CTNNA2: variants seen among roughly 807,000 people sequenced by gnomAD.
CTNNA2 encodes the protein catenin alpha-2.
CTNNA2 carries 42 observed loss-of-function variants against 101.0 expected under a neutral mutation model. The ratio of observed to expected loss-of-function variants is 0.42; its 90% CI spans 0.32 to 0.54. The LOEUF (loss-of-function observed/expected upper bound fraction) is 0.54, where lower values mean the gene tolerates loss of function less well. Among genes scored for constraint, CTNNA2 ranks in the 20% least tolerant of loss-of-function variants. CTNNA2 has a pLI of 0.14. For missense variants in CTNNA2, 871 were observed against 1,223.1 expected (o/e 0.71, Z 4.29); for synonymous variants, 450 against 456.4 (o/e 0.99, Z 0.18).
At position 80,595,362 on chromosome 2, in the gene CTNNA2, C is replaced by CT. The variant is rs374248276; in HGVS notation, c.2189+5884dup. On this transcript the variant is annotated intron_variant, in intron 15 of 18. Transcript: ENST00000402739. ...AATTCAATTATTAGTTTTACCAGGA[C>CT]TTTTTTTAAAGAATCTTAAGCATTT... 3.5e-3 allele frequency among the ~76,000 whole-genome samples: 537 copies of CT among 152,126 alleles called. 5 individuals are homozygous for CT. The highest frequency in any genetic ancestry group is 0.012 in the African/African-American group (484 of 41,500).
chr2:80,302,166 A>C lies in CTNNA2; in HGVS notation c.1057-91045A>C. 1 of 1,517,102 alleles carries C rather than the reference A, an allele frequency of 6.6e-7. No homozygotes were observed. The highest frequency in any genetic ancestry group is 8.9e-7 in the Non-Finnish European group (1 of 1,127,920). The allele number at this position is 1,517,102 out of a possible 1,614,324, so 94.0% of individuals were successfully genotyped here. A position where few individuals can be genotyped will look rare whatever the true frequency, so the allele number is the denominator to read the frequency against. On this transcript the variant is annotated intron_variant, in intron 7 of 18. Transcript: ENST00000402739. This position sits in a 1 kb window ranked among gnomAD's most constrained non-coding sequence, Gnocchi z 6.4. ...CAAGGAGCATATCAGAGCACAGACAAGGAGACCCCAGCCTGGTGCCCGCCG... is the reference window on the plus strand; with the variant it reads ...CAAGGAGCATATCAGAGCACAGACACGGAGACCCCAGCCTGGTGCCCGCCG...
chr2:80,267,972 A>G (rs1673143914), intron 7 of CTNNA2, among the ~76,000 whole-genome samples: 1 of 152,216 alleles, frequency 6.6e-6, no homozygotes, highest in African/African-American at 2.4e-5. Flanking sequence ...GTCTTAAGAA[A>G]ACTAGGTAGA....
chr2:80,273,120 G>A (rs1205233239), intron 7 of CTNNA2, among the ~76,000 whole-genome samples: 1 of 152,122 alleles, frequency 6.6e-6, no homozygotes, highest in Non-Finnish European at 1.5e-5. Context: ...AAAGCAGTAG[G>A]ATCAAAATGC....
At position 80,648,081 on chromosome 2, in the gene CTNNA2, A is replaced by T; in HGVS notation, c.*209A>T. On this transcript the variant is annotated 3_prime_UTR_variant, in exon 19 of 19. Transcript: ENST00000402739. ...AAGGAGACAGGACATTCCTGTACTA[A>T]GGTGGCACAGAGCTGTCCTTTGCAA... 2.2e-6 allele frequency: 1 copy of T among 463,614 alleles called. No homozygotes were observed. The highest frequency in any genetic ancestry group is 3.4e-5 in the East Asian group (1 of 29,262). 28.7% of individuals were successfully genotyped at this position (463,614 alleles called of 1,614,324 possible).
At chr2:80,631,182 A>G (rs1672247187) in intron 18 of CTNNA2, among the ~76,000 whole-genome samples, 1 of 152,166 alleles carries the variant, frequency 6.6e-6, no homozygotes. Flanking sequence ...TCATCTTAAT[A>G]TTAAGCATGA....
chr2:79,874,978 G>A (rs75476191), intron 6 of CTNNA2, among the ~76,000 whole-genome samples: 5,595 of 152,242 alleles, frequency 0.037, 380 homozygotes, highest in East Asian at 0.3. Context: ...TGTTGTGCCT[G>A]CGTGAAAAGC....
chr2:79,290,742 A>G (rs1030592707), intron 2 of CTNNA2, among the ~76,000 whole-genome samples: 157 of 152,246 alleles, frequency 1.0e-3, no homozygotes, highest in African/African-American at 3.6e-3. Context: ...TTCCCACTCC[A>G]TCTCCCTTCC....
chr2:80,368,867 G>GTGA (rs112571951), intron 7 of CTNNA2, among the ~76,000 whole-genome samples: 5 of 144,734 alleles, frequency 3.5e-5, no homozygotes, highest in African/African-American at 1.3e-4. Flanking sequence ...GTGTGTGTGT[G>GTGA]TATATATATA....
chr2:79,392,275 G>A (rs1336075440), intron 4 of CTNNA2, among the ~76,000 whole-genome samples: 1 of 152,118 alleles, frequency 6.6e-6, no homozygotes, highest in Non-Finnish European at 1.5e-5. Context: ...AGATATCCTA[G>A]TCCCCATACC....
At chr2:80,024,498 C>T (rs970210661) in intron 7 of CTNNA2, among the ~76,000 whole-genome samples, 8 of 152,302 alleles carry the variant, frequency 5.3e-5, no homozygotes, top group African/African-American at 1.7e-4. Context: ...GTTCCCTTGA[C>T]CCATCTGCAG....
At chr2:80,577,768 G>A (rs1196311275) in intron 13 of CTNNA2, among the ~76,000 whole-genome samples, 1 of 132,286 alleles carries the variant, frequency 7.6e-6, no homozygotes, top group Non-Finnish European at 1.6e-5. Flanking sequence ...GTGGTGTTGA[G>A]CTCTGTTGGG....
intron 8 of CTNNA2, among the ~76,000 whole-genome samples, chr2:80,413,784 G>A (rs1459969518): frequency 6.6e-6 from 1 of 152,156 alleles, no homozygotes; most frequent in Non-Finnish European, 1.5e-5. Flanking sequence ...TAATCATGTA[G>A]AGCCTGGAGC....
At chr2:79,632,668 C>T (rs1002712640) in intron 1 of CTNNA2, among the ~76,000 whole-genome samples, 2 of 152,138 alleles carry the variant, frequency 1.3e-5, no homozygotes, top group Non-Finnish European at 2.9e-5. Flanking sequence ...TGAGAATATC[C>T]GTTGTTATGT....
chr2:79,853,040 G>T (rs929118104), intron 3 of CTNNA2, among the ~76,000 whole-genome samples: 1 of 151,890 alleles, frequency 6.6e-6, no homozygotes, highest in Non-Finnish European at 1.5e-5. Flanking sequence ...CTAATTTTTT[G>T]TATTTTTAGT....
intron 7 of CTNNA2, among the ~76,000 whole-genome samples, chr2:79,932,718 C>G (rs138193650): frequency 6.6e-6 from 1 of 152,238 alleles, no homozygotes; most frequent in African/African-American, 2.4e-5. Flanking sequence ...TACATTTTAA[C>G]AAGGCCTATT....
chr2:80,086,635 G>A (rs575286101), intron 7 of CTNNA2, among the ~76,000 whole-genome samples: 8 of 152,138 alleles, frequency 5.3e-5, no homozygotes, highest in African/African-American at 1.7e-4. Flanking sequence ...TCTACTCCCT[G>A]TAACTGAAGT....
chr2:79,967,093 T>G (rs1690122196), intron 7 of CTNNA2, among the ~76,000 whole-genome samples: 1 of 141,384 alleles, frequency 7.1e-6, no homozygotes, highest in Non-Finnish European at 1.5e-5. Context: ...TGCTCAAGCC[T>G]ATGCGTGCAC....
intron 9 of CTNNA2, among the ~76,000 whole-genome samples, chr2:80,504,144 T>C (rs1346188448): frequency 6.6e-6 from 1 of 152,218 alleles, no homozygotes; most frequent in Non-Finnish European, 1.5e-5. Context: ...CCAGTTTTTA[T>C]TCCTTTGAGA....
At chr2:80,618,097 T>C (rs376903251) in intron 17 of CTNNA2, among the ~76,000 whole-genome samples, 2 of 151,878 alleles carry the variant, frequency 1.3e-5, no homozygotes, top group Admixed American at 6.6e-5. Context: ...TTTAAACTCC[T>C]AAATTTTCAT....
Sources: gnomAD v4.1 joint callset for allele counts (sites outside exome capture counted in the v4.1 genomes callset) on GRCh38, gnomAD v4.1.1 for gene constraint, Gnocchi (gnomAD v3.1) non-coding constraint, MANE v1.5 for transcripts, NCBI Gene and HGNC (gene_info 2026-07-23, HGNC 2026-07-21) for gene names.